KANK1: variants seen among roughly 807,000 people sequenced by gnomAD.
The protein encoded by KANK1 is KN motif and ankyrin repeat domains 1.
KANK1 carries 109 observed loss-of-function variants against 106.2 expected under a neutral mutation model. The ratio of observed to expected loss-of-function variants is 1.03; its 90% confidence interval spans 0.88 to 1.20. The LOEUF (loss-of-function observed/expected upper bound fraction) is 1.20, where lower values mean the gene tolerates loss of function less well. KANK1 is among the 50% of genes most tolerant of loss of function. The pLI, the probability that KANK1 is intolerant of heterozygous loss-of-function variation, is 0.00. For missense variants in KANK1, 2,399 were observed against 1,710.7 expected (o/e 1.40, Z -7.10); for synonymous variants, 873 against 652.2 (o/e 1.34, Z -5.16).
intron 1 of KANK1, among the ~76,000 whole-genome samples, chr9:595,677 C>T (rs1826037834): frequency 6.6e-6 from 1 of 151,720 alleles, no homozygotes; most frequent in Non-Finnish European, 1.5e-5. Flanking sequence ...AGGAATGCAC[C>T]ACCACATCTG....
chr9:480,218 A>G (rs2132142006), intron 3 of KANK1, among the ~76,000 whole-genome samples: 1 of 152,360 alleles, frequency 6.6e-6, no homozygotes, highest in African/African-American at 2.4e-5. Flanking sequence ...ACTTAGGTCT[A>G]TCATATACTC....
At chr9:722,455 G>A (rs1001865210) in intron 3 of KANK1, among the ~76,000 whole-genome samples, 16 of 152,090 alleles carry the variant, frequency 1.1e-4, no homozygotes, top group Non-Finnish European at 1.6e-4. Flanking sequence ...AGCTAGGGTT[G>A]AAACGACTGA....
chr9:732,666 C>T (rs965379373), intron 6 of KANK1, 49 bp downstream of exon 6: 2 of 1,591,800 alleles, frequency 1.3e-6, no homozygotes, highest in Admixed American at 1.7e-5. Flanking sequence ...ATTTAATGTA[C>T]TTTGGCAATA....
intron 1 of KANK1, among the ~76,000 whole-genome samples, chr9:615,802 A>G (rs889332418): frequency 3.9e-5 from 6 of 152,198 alleles, no homozygotes; most frequent in Admixed American, 3.3e-4. Context: ...CCCAAGTGAT[A>G]CCTAACCTAG....
intron 1 of KANK1, among the ~76,000 whole-genome samples, chr9:532,559 TA>T: frequency 6.6e-6 from 1 of 152,042 alleles, no homozygotes; most frequent in South Asian, 2.1e-4. Flanking sequence ...CAGCCCCTGG[TA>T]ACAACCATTC....
At chr9:517,602 T>C (rs1222375660) in intron 1 of KANK1, among the ~76,000 whole-genome samples, 1 of 151,606 alleles carries the variant, frequency 6.6e-6, no homozygotes, top group Non-Finnish European at 1.5e-5. Context: ...TTTCACACTT[T>C]CTAGAGAAGG....
At chr9:736,180 G>A (rs770744704) in intron 7 of KANK1, among the ~76,000 whole-genome samples, 1 of 152,118 alleles carries the variant, frequency 6.6e-6, no homozygotes. Flanking sequence ...GGATGGTCTC[G>A]ATCTCCTGAC....
chr9:620,537 G>T (rs1832906918), intron 1 of KANK1, among the ~76,000 whole-genome samples: 1 of 151,850 alleles, frequency 6.6e-6, no homozygotes, highest in Non-Finnish European at 1.5e-5. Context: ...TGAGTAGCTG[G>T]GATTACGGGC....
chr9:730,563 C>T, intron 4 of KANK1: 3 of 353,272 alleles, frequency 8.5e-6, no homozygotes, highest in South Asian at 2.3e-5. Flanking sequence ...CATGGTGGTG[C>T]ACACCTGTAG....
At position 618,488 on chromosome 9, in the gene KANK1, G is replaced by A. The variant is rs141690360; in HGVS notation, c.-83-58402G>A. Among the ~76,000 whole-genome samples the A allele has an allele frequency of 1.9e-4, 29 of 152,196 alleles. No individual in the cohort carries two copies. The East Asian group carries it at 4.4e-3, about 23-fold the overall frequency. On this transcript the variant is annotated intron_variant, in intron 1 of 11. Coordinates refer to ENST00000382297, the MANE Select transcript of KANK1 (RefSeq NM_015158.5). The stretch of plus-strand genomic sequence containing the variant: ...CTCCCAAAGTGCTTAGATTACAGTC[G>A]TGAGCTACCATGCCTGGCCCCAGAT...
At chr9:672,012 A>C (rs1815271255) in intron 1 of KANK1, among the ~76,000 whole-genome samples, 1 of 152,238 alleles carries the variant, frequency 6.6e-6, no homozygotes, top group Non-Finnish European at 1.5e-5. Flanking sequence ...GGATTTGCGC[A>C]AAGCCTCCTT....
At chr9:528,627 A>T (rs2059917095) in intron 1 of KANK1, among the ~76,000 whole-genome samples, 1 of 151,656 alleles carries the variant, frequency 6.6e-6, no homozygotes, top group Non-Finnish European at 1.5e-5. Flanking sequence ...TAGCTGCGTT[A>T]CAGGTGCCCG....
intron 1 of KANK1, among the ~76,000 whole-genome samples, chr9:676,232 C>G (rs1300108488): frequency 6.6e-6 from 1 of 152,064 alleles, no homozygotes; most frequent in African/African-American, 2.4e-5. Flanking sequence ...AAGGTCTCAG[C>G]CTTATTTTAT....
intron 1 of KANK1, among the ~76,000 whole-genome samples, chr9:612,130 A>G (rs561148165): frequency 1.3e-5 from 2 of 152,312 alleles, no homozygotes; most frequent in African/African-American, 4.8e-5. Flanking sequence ...CCTCCCACAC[A>G]AAGCCACCTA....
chr9:726,101 G>A (rs1263258798), intron 3 of KANK1, among the ~76,000 whole-genome samples: 1 of 152,086 alleles, frequency 6.6e-6, no homozygotes, highest in African/African-American at 2.4e-5. Context: ...ATTTACTAAT[G>A]CCAGTAGGCA....
At chr9:730,894 C>A in intron 4 of KANK1, 1 of 279,980 alleles carries the variant, frequency 3.6e-6, no homozygotes, top group Non-Finnish European at 6.8e-6. Flanking sequence ...GCAGTAAAGC[C>A]GGATACAAAT....
rs560696308 is a variant in KANK1 at position 534,815 on chromosome 9, T to G, written c.-84+30061T>G. On this transcript the variant is annotated intron_variant, in intron 1 of 11. Coordinates refer to ENST00000382297, the MANE Select transcript of KANK1 (RefSeq NM_015158.5). ...ACATGTTTACAATAAGAAAGCTGTT[T>G]ATTCATCTTAAGTAGAAAATTCTAT... Among the ~76,000 whole-genome samples the G allele has an allele frequency of 7.9e-5, 12 of 152,380 alleles. No homozygotes were observed. The East Asian group carries it at 2.1e-3, about 27-fold the overall frequency.
intron 1 of KANK1, among the ~76,000 whole-genome samples, chr9:615,306 A>G (rs1831538047): frequency 1.3e-5 from 2 of 152,186 alleles, no homozygotes; most frequent in African/African-American, 2.4e-5. Context: ...CTGTTAATAG[A>G]CACATAATTT....
chr9:652,894 A>G (rs962081501), intron 1 of KANK1, among the ~76,000 whole-genome samples: 2 of 152,176 alleles, frequency 1.3e-5, no homozygotes, highest in African/African-American at 2.4e-5. Flanking sequence ...ATGGGGAAAA[A>G]GTAGCCACCC....
Sources: allele counts gnomAD v4.1 joint callset (sites outside exome capture counted in the v4.1 genomes callset), GRCh38; gene constraint gnomAD v4.1.1; transcripts MANE v1.5; gene names NCBI Gene and HGNC (gene_info 2026-07-23, HGNC 2026-07-21).